The following ADRA1A variants were observed in gnomAD, a reference collection of about 807,000 sequenced individuals.
ADRA1A encodes adrenoceptor alpha 1A, also known as alpha-1A adrenergic receptor.
ADRA1A carries 31 observed loss-of-function variants against 29.6 expected under a neutral mutation model. The observed-to-expected ratio is 1.05, with a 90% CI of 0.79 to 1.41. The LOEUF is 1.41. Ranked by LOEUF, ADRA1A falls within the 40% of genes most tolerant of loss-of-function variation. ADRA1A has a pLI of 0.00. For synonymous variants in ADRA1A, 311 were observed against 254.3 expected (o/e 1.22, Z -2.12); for missense variants, 619 against 601.1 (o/e 1.03, Z -0.31).
rs1315965898 is a variant in ADRA1A at position 26,770,584 on chromosome 8, G to T, written c.966C>A (p.Asn322Lys). The T allele has an allele frequency of 1.9e-6, 3 of 1,614,228 alleles. No individual in the cohort carries two copies. The highest frequency in any genetic ancestry group is 2.5e-6 in the Non-Finnish European group (3 of 1,180,046). Residue 322 changes from asparagine to lysine, a missense_variant, in exon 3 of 3, where the codon AAC becomes AAA. By Grantham distance (94) the Asn-to-Lys change is moderately conservative. Transcript: ENST00000380573. ...FWLGYLNSCI[N>K]PIIYPCSSQE... ...GGCTGGAGCATGGGTATATGATGGG[G>T]TTGATGCAGCTGTTTAGATATCCGA...
chr8:26,799,379 A>T (rs1330310689), intron 2 of ADRA1A, among the ~76,000 whole-genome samples: 9 of 152,144 alleles, frequency 5.9e-5, no homozygotes, highest in African/African-American at 2.2e-4. Flanking sequence ...GGAAACTGAG[A>T]TGGGTGAAAT....
intron 2 of ADRA1A, chr8:26,779,255 C>T (rs1040792654): frequency 2.9e-6 from 2 of 700,664 alleles, no homozygotes; most frequent in Admixed American, 2.0e-5. Context: ...GTTCCTTCTC[C>T]CTTTTTTTTG....
downstream of ADRA1A, among the ~76,000 whole-genome samples, chr8:26,764,415 A>G (rs1157478782): frequency 6.6e-6 from 1 of 152,178 alleles, no homozygotes; most frequent in Non-Finnish European, 1.5e-5. Flanking sequence ...GGCCCCTAGA[A>G]CAGTGACATG....
intron 2 of ADRA1A, among the ~76,000 whole-genome samples, chr8:26,857,008 C>T (rs1813098191): frequency 1.3e-5 from 2 of 152,228 alleles, no homozygotes; most frequent in East Asian, 3.9e-4. Context: ...TACACACTTG[C>T]TGCTCTCCCA....
rs759217193 is a variant in ADRA1A, at chr8:26,866,905, C to G, written c.-687+31G>C. On this transcript the variant is annotated intron_variant, in intron 1 of 2. Coordinates refer to ENST00000380573, the MANE Select transcript of ADRA1A (RefSeq NM_000680.4). This position sits in a 1 kb window ranked among gnomAD's most constrained non-coding sequence, Gnocchi z 5.7. ...GGGAGGTCTGCCCTCACCCACTCGGCCCTGCGGGACGCCGGCCCCGGCGCA... is the reference window on the plus strand; with the variant it reads ...GGGAGGTCTGCCCTCACCCACTCGGGCCTGCGGGACGCCGGCCCCGGCGCA... 2.0e-6 allele frequency: 2 copies of G among 985,326 alleles called. No homozygotes were observed. Among genetic ancestry groups the G allele is most frequent in the African/African-American group, 3.5e-5 (2 of 57,234 alleles). 61.0% of individuals were successfully genotyped at this position (985,326 alleles called of 1,614,324 possible).
chr8:26,844,395 T>A (rs910360077), intron 2 of ADRA1A, among the ~76,000 whole-genome samples: 1 of 152,226 alleles, frequency 6.6e-6, no homozygotes, highest in Non-Finnish European at 1.5e-5. Context: ...AGAGGTAGTC[T>A]TTTTGAAAGT....
chr8:26,804,910 G>A (rs1175029176), intron 2 of ADRA1A, among the ~76,000 whole-genome samples: 2 of 152,102 alleles, frequency 1.3e-5, no homozygotes, highest in Admixed American at 6.5e-5. Context: ...TAATTTCATA[G>A]CTCATCAGTG....
chr8:26,757,101 T>C (rs1418228320), intron 2 of ADRA1A: 2 of 702,708 alleles, frequency 2.8e-6, no homozygotes, highest in African/African-American at 1.7e-5. Context: ...TCCTTGCAGC[T>C]GCTTCTCAAA....
chr8:26,855,216 CATGT>C (rs1401417435), intron 2 of ADRA1A, among the ~76,000 whole-genome samples: 1 of 85,490 alleles, frequency 1.2e-5, no homozygotes, highest in Non-Finnish European at 2.8e-5. Context: ...TGTGTGCATG[CATGT>C]GTGTGTGTGT....
At chr8:26,852,704 G>A (rs766341675) in intron 2 of ADRA1A, among the ~76,000 whole-genome samples, 12 of 152,084 alleles carry the variant, frequency 7.9e-5, no homozygotes, top group African/African-American at 7.2e-5. Flanking sequence ...AGCTGGGCCC[G>A]AATGTTTTAT....
chr8:26,764,656 A>G (rs1257913948), downstream of ADRA1A, among the ~76,000 whole-genome samples: 1 of 152,212 alleles, frequency 6.6e-6, no homozygotes, highest in Non-Finnish European at 1.5e-5. Flanking sequence ...AGTGTAGGTA[A>G]TAATCTCTTC....
chr8:26,851,546 T>C (rs188967296), intron 2 of ADRA1A, among the ~76,000 whole-genome samples: 1 of 152,324 alleles, frequency 6.6e-6, no homozygotes, highest in East Asian at 1.9e-4. Context: ...GAAACATGGA[T>C]TATGAGAAAT....
intron 2 of ADRA1A, among the ~76,000 whole-genome samples, chr8:26,846,566 C>T (rs564161686): frequency 4.5e-4 from 68 of 152,172 alleles, no homozygotes; most frequent in African/African-American, 1.5e-3. Context: ...GTCAGGAGTT[C>T]GAGACCAGCC....
chr8:26,780,897 C>T (rs1044166001), intron 2 of ADRA1A, among the ~76,000 whole-genome samples: 2 of 152,234 alleles, frequency 1.3e-5, no homozygotes, highest in African/African-American at 4.8e-5. Flanking sequence ...TCTCCATCAC[C>T]CCCAGATGGG....
intron 2 of ADRA1A, among the ~76,000 whole-genome samples, chr8:26,858,558 T>G (rs1813208284): frequency 6.6e-6 from 1 of 152,200 alleles, no homozygotes; most frequent in Non-Finnish European, 1.5e-5. Flanking sequence ...CAACAGTTTC[T>G]CCATTCAGCA....
At chr8:26,837,690 T>C (rs1431478604) in intron 2 of ADRA1A, among the ~76,000 whole-genome samples, 2 of 150,538 alleles carry the variant, frequency 1.3e-5, no homozygotes, top group African/African-American at 4.9e-5. Context: ...TTGGGCTAGA[T>C]AGCCTGAGGC....
chr8:26,758,597 G>C (rs1488648556), intron 2 of ADRA1A, among the ~76,000 whole-genome samples: 1 of 152,178 alleles, frequency 6.6e-6, no homozygotes, highest in Non-Finnish European at 1.5e-5. Context: ...TTTGTTCAGG[G>C]CCACTTAAAT....
At chr8:26,837,508 A>C (rs1002803327) in intron 2 of ADRA1A, among the ~76,000 whole-genome samples, 1 of 152,066 alleles carries the variant, frequency 6.6e-6, no homozygotes, top group Admixed American at 6.5e-5. Context: ...AAAATTAGCC[A>C]GGTATGGTGG....
chr8:26,843,165 G>C (rs973628880), intron 2 of ADRA1A, among the ~76,000 whole-genome samples: 4 of 152,136 alleles, frequency 2.6e-5, no homozygotes, highest in African/African-American at 9.7e-5. Context: ...CTTTTCCCCA[G>C]ATTAGACTTG....
Sources: allele counts gnomAD v4.1 joint callset (sites outside exome capture counted in the v4.1 genomes callset), GRCh38; gene constraint gnomAD v4.1.1; non-coding constraint Gnocchi (gnomAD v3.1); transcripts MANE v1.5; gene names NCBI Gene and HGNC (gene_info 2026-07-23, HGNC 2026-07-21).